CACNG7: variants seen among roughly 807,000 people sequenced by gnomAD.
The protein encoded by CACNG7 is voltage-dependent calcium channel gamma-7 subunit.
In CACNG7, 9 loss-of-function variants were observed where a neutral mutation model predicts 26.3. The observed-to-expected ratio is 0.34, with a 90% CI of 0.21 to 0.60. CACNG7 has a LOEUF of 0.60. CACNG7 is among the 20% of genes least tolerant of loss of function. The pLI is 0.81. For synonymous variants in CACNG7, 170 were observed against 157.0 expected (o/e 1.08, Z -0.62); for missense variants, 297 against 380.4 (o/e 0.78, Z 1.82).
chr19:53,921,768 T>TC lies in CACNG7; in HGVS notation c.424+6266dup, dbSNP rs1332853217. Among the ~76,000 whole-genome samples the TC allele has an allele frequency of 1.0e-4, 6 of 58,382 alleles. 1 individual carries two copies. The highest frequency in any genetic ancestry group is 1.5e-4 in the Non-Finnish European group (5 of 33,150). 38.3% of individuals were successfully genotyped at this position (58,382 alleles called of 152,430 possible). ...CCCAGGTCTGGTATTGGTGGAGTTGTCCCAGGTCTGGTCATTGGTGGAGTT... is the reference window on the plus strand; with the variant it reads ...CCCAGGTCTGGTATTGGTGGAGTTGTCCCCAGGTCTGGTCATTGGTGGAGTT... On this transcript the variant is annotated intron_variant, in intron 4 of 5. Transcript: ENST00000391767.
rs755866342 is a variant in CACNG7 at position 53,942,213 on chromosome 19, G to T, written c.748G>T (p.Val250Leu). 4 of 1,613,892 alleles carry T rather than the reference G, an allele frequency of 2.5e-6. No individual in the cohort carries two copies. The highest frequency in any genetic ancestry group is 1.7e-5 in the Admixed American group (1 of 59,996). ...GAGCCCCTCCGACATCTCCAGCGAC[G>T]TGTCCATCCAAATGACGCAGAACTA... ...GRSPSDISSDVSIQMTQNYPP... is the reference protein window; with the variant it reads ...GRSPSDISSDLSIQMTQNYPP... Residue 250 changes from valine (V) to leucine (L), a missense_variant, in exon 6 of 6, where the codon GTG becomes TTG. Physicochemically the swap from Val to Leu is conservative, Grantham distance 32. Coordinates refer to ENST00000391767, the MANE Select transcript of CACNG7 (RefSeq NM_031896.5). The surrounding 1 kb of genome is among the most constrained non-coding windows in gnomAD (Gnocchi z 5.9).
chr19:53,920,032 C>G (rs1293161267), intron 4 of CACNG7, among the ~76,000 whole-genome samples: 1 of 131,370 alleles, frequency 7.6e-6, no homozygotes, highest in Non-Finnish European at 1.6e-5. Flanking sequence ...GGTGGACTTG[C>G]CCCAGGCTGG....
Position 53,942,620 on chromosome 19 carries a change from G to GGAGCAGCCAGAGGCGGTGC in CACNG7, c.*328_*346dup. The GGAGCAGCCAGAGGCGGTGC allele has an allele frequency of 8.4e-7, 1 of 1,187,468 alleles. No homozygotes were observed. Among genetic ancestry groups the GGAGCAGCCAGAGGCGGTGC allele is most frequent in the Non-Finnish European group, 1.1e-6 (1 of 949,338 alleles). The allele number at this position is 1,187,468 out of a possible 1,614,324, so 73.6% of individuals were successfully genotyped here. On this transcript the variant is annotated 3_prime_UTR_variant, in exon 6 of 6. Coordinates refer to ENST00000391767, the MANE Select transcript of CACNG7 (RefSeq NM_031896.5). This position sits in a 1 kb window ranked among gnomAD's most constrained non-coding sequence, Gnocchi z 5.9. ...CTCGTTCTCCACCTGCTCTGAGCTG[G>GGAGCAGCCAGAGGCGGTGC]GAGCAGCCAGAGGCGGTGCAAGCGC...
intron 4 of CACNG7, among the ~76,000 whole-genome samples, chr19:53,922,345 C>A (rs777263647): frequency 4.1e-5 from 2 of 48,276 alleles, no homozygotes; most frequent in Admixed American, 1.8e-4. Context: ...TGTCCCCAGG[C>A]CTGGTCATTG....
intron 4 of CACNG7, among the ~76,000 whole-genome samples, chr19:53,936,187 T>C (rs1395750538): frequency 1.3e-5 from 2 of 152,094 alleles, no homozygotes; most frequent in Non-Finnish European, 2.9e-5. Flanking sequence ...ACTGTCCTCA[T>C]GAGTGGATTC....
chr19:53,935,176 A>C (rs1291703720), intron 4 of CACNG7, among the ~76,000 whole-genome samples: 1 of 152,192 alleles, frequency 6.6e-6, no homozygotes. Flanking sequence ...CAAACACTTC[A>C]CTAGTTCAGC....
rs181197832 is a variant in CACNG7 at position 53,911,551 on chromosome 19, G to C, written c.-29-1252G>C. Among the ~76,000 whole-genome samples, 5 of 152,302 alleles carry C rather than the reference G, an allele frequency of 3.3e-5. No individual in the cohort carries two copies. In the East Asian group the frequency reaches 9.7e-4, roughly 29 times the overall value. ...TAGGTTCTGGAGTGAGGAGGAATTGGAGCAAGATTGGGTTTTAAGACGGGG... is the reference window on the plus strand; with the variant it reads ...TAGGTTCTGGAGTGAGGAGGAATTGCAGCAAGATTGGGTTTTAAGACGGGG... On this transcript the variant is annotated intron_variant, in intron 1 of 5. Coordinates refer to ENST00000391767, the MANE Select transcript of CACNG7 (RefSeq NM_031896.5).
chr19:53,919,508 C>T (rs957430038), intron 4 of CACNG7, among the ~76,000 whole-genome samples: 38 of 140,970 alleles, frequency 2.7e-4, no homozygotes, highest in Non-Finnish European at 5.0e-4. Flanking sequence ...GAGTTGTCCC[C>T]AGGCCTGGTA....
At chr19:53,918,854 C>A (rs1182810450) in intron 4 of CACNG7, among the ~76,000 whole-genome samples, 1 of 152,224 alleles carries the variant, frequency 6.6e-6, no homozygotes, top group East Asian at 1.9e-4. Flanking sequence ...CTGCAACCTC[C>A]GCGTCCCAGG....
chr19:53,921,548 A>G (rs1216587314), intron 4 of CACNG7, among the ~76,000 whole-genome samples: 1 of 119,448 alleles, frequency 8.4e-6, no homozygotes, highest in Non-Finnish European at 1.6e-5. Flanking sequence ...TCATTGGTGG[A>G]GTTGCCCCAG....
At chr19:53,928,701 T>C (rs1425641463) in intron 4 of CACNG7, among the ~76,000 whole-genome samples, 3 of 152,148 alleles carry the variant, frequency 2.0e-5, no homozygotes, top group Non-Finnish European at 4.4e-5. Context: ...GGCTGACTTG[T>C]TTCTCCTGTG....
intron 4 of CACNG7, among the ~76,000 whole-genome samples, chr19:53,918,919 C>T (rs2068915955): frequency 6.6e-6 from 1 of 152,128 alleles, no homozygotes. Flanking sequence ...CAGGCATGTG[C>T]CAGTGCACCC....
intron 4 of CACNG7, among the ~76,000 whole-genome samples, chr19:53,920,935 A>C (rs1403291735): frequency 1.1e-5 from 1 of 93,852 alleles, no homozygotes; most frequent in Non-Finnish European, 2.0e-5. Flanking sequence ...TCATTGGTGG[A>C]CTTGCCCCAG....
intron 4 of CACNG7, among the ~76,000 whole-genome samples, chr19:53,920,732 G>A (rs1568773624): frequency 9.2e-6 from 1 of 109,258 alleles, no homozygotes; most frequent in Admixed American, 8.2e-5. Flanking sequence ...GCTGTCCCAG[G>A]CTGGTCATTG....
chr19:53,922,669 G>GCTGGTCATTGGTGCAGTTGCCCCAGGT (rs1568775569), intron 4 of CACNG7, among the ~76,000 whole-genome samples: 1 of 69,800 alleles, frequency 1.4e-5, no homozygotes, highest in Admixed American at 1.1e-4. Context: ...GTTGTCCCAG[G>GCTGGTCATTGGTGCAGTTGCCCCAGGT]CTGGTCATTG....
intron 4 of CACNG7, 80 bp from the exon 5 acceptor site, chr19:53,941,390 G>T: frequency 7.0e-7 from 1 of 1,434,492 alleles, no homozygotes; most frequent in Non-Finnish European, 9.2e-7. Context: ...TGGGGAGGAG[G>T]GGAAGGCAGT....
intron 5 of CACNG7, 54 bp from the exon 6 acceptor site, chr19:53,941,982 G>C: frequency 6.6e-7 from 1 of 1,514,242 alleles, no homozygotes; most frequent in South Asian, 1.3e-5. Context: ...ATGAGTCGGG[G>C]TCCGGGGATG....
chr19:53,922,175 T>TC (rs2068963908), intron 4 of CACNG7, among the ~76,000 whole-genome samples: 2 of 94,600 alleles, frequency 2.1e-5, no homozygotes, highest in African/African-American at 9.3e-5. Flanking sequence ...GGTGGAGTTG[T>TC]CCCAGGCTGG....
chr19:53,922,663 T>TCCCAGGCTGGTCATTGGTGGAGTTGC, intron 4 of CACNG7, among the ~76,000 whole-genome samples: 1 of 64,474 alleles, frequency 1.6e-5, no homozygotes, highest in East Asian at 4.3e-4. Flanking sequence ...GGTGCAGTTG[T>TCCCAGGCTGGTCATTGGTGGAGTTGC]CCCAGGCTGG....
Sources: allele counts gnomAD v4.1 joint callset (sites outside exome capture counted in the v4.1 genomes callset), GRCh38; gene constraint gnomAD v4.1.1; non-coding constraint Gnocchi (gnomAD v3.1); transcripts MANE v1.5; gene names NCBI Gene and HGNC (gene_info 2026-07-23, HGNC 2026-07-21).